TIAL1: variants seen among roughly 807,000 people sequenced by gnomAD.
The protein encoded by TIAL1 is TIA1 cytotoxic granule associated RNA binding protein like 1, also known as nucleolysin TIAR.
Under a neutral mutation model 59.7 loss-of-function variants are expected in TIAL1, and 7 were observed. The observed-to-expected ratio is 0.12, with a 90% CI of 0.07 to 0.22. The LOEUF is 0.22. Among genes scored for constraint, TIAL1 ranks in the 10% least tolerant of loss-of-function variants. The pLI, the probability that TIAL1 is intolerant of heterozygous loss-of-function variation, is 1.00. For synonymous variants in TIAL1, 149 were observed against 146.3 expected (o/e 1.02, Z -0.13); for missense variants, 225 against 462.5 (o/e 0.49, Z 4.71).
chr10:119,588,472 T>C (rs1845686131), intron 1 of TIAL1: 4 of 292,510 alleles, frequency 1.4e-5, no homozygotes, highest in Non-Finnish European at 2.5e-5. Context: ...GCCTCCCAAG[T>C]AGCTGGGATT....
At position 119,596,384 on chromosome 10, in the gene TIAL1, G is replaced by C. The variant is rs199547530; in HGVS notation, c.32+50C>G. ...CTCCTGCTCCCTCCCTTAGCGTCCC[G>C]CGGTGCCCGGGCCTCTTGGCGCCTG... On this transcript the variant is annotated intron_variant, in intron 1 of 11. Transcript: ENST00000436547. The C allele has an allele frequency of 2.9e-3, 4,600 of 1,606,584 alleles. 21 individuals carry two copies. The highest frequency in any genetic ancestry group is 2.8e-3 in the Non-Finnish European group (3,340 of 1,175,916).
At position 119,576,703 on chromosome 10, in the gene TIAL1, T is replaced by A. The variant is rs754564822; in HGVS notation, c.909A>T (p.Pro303=). The A allele has an allele frequency of 6.2e-7, 1 of 1,614,196 alleles. No individual in the cohort carries two copies. The change falls in exon 11 of 12, where the codon CCA becomes CCT. Residue 303 remains proline (P), a synonymous_variant. Coordinates refer to ENST00000436547, the MANE Select transcript of TIAL1 (RefSeq NM_003252.4). ...TTGCCATATACTGTCCATACTGTTG[T>A]GGGTTTCCATACACTTGGCTCCATT... ...WGQWSQVYGN[P]QQYGQYMANG...
In TIAL1 at chr10:119,589,696, GA is replaced by G. The variant is rs557938676; in HGVS notation, c.33-1449del. On this transcript the variant is annotated intron_variant, in intron 1 of 11. Transcript: ENST00000436547. ...ATACAGGAAAGTTTAAAAAAGAAAA[GA>G]AAAAAATGCTACTTCATCACACAGA... Among the ~76,000 whole-genome samples the G allele has an allele frequency of 2.0e-3, 300 of 152,036 alleles. 2 individuals carry two copies. Among genetic ancestry groups the G allele is most frequent in the African/African-American group, 6.7e-3 (280 of 41,490 alleles).
At chr10:119,583,235 A>G (rs1845382404) in intron 2 of TIAL1, among the ~76,000 whole-genome samples, 1 of 152,194 alleles carries the variant, frequency 6.6e-6, no homozygotes, top group African/African-American at 2.4e-5. Context: ...AAGATCAGAG[A>G]AATAACAGTG....
At chr10:119,596,072 G>A (rs1284058375) in intron 1 of TIAL1, among the ~76,000 whole-genome samples, 1 of 101,906 alleles carries the variant, frequency 9.8e-6, no homozygotes, top group Non-Finnish European at 2.0e-5. Context: ...CCCTTCCCCC[G>A]TGGGCGCCGG....
intron 1 of TIAL1, among the ~76,000 whole-genome samples, chr10:119,590,322 C>T (rs1191046785): frequency 6.6e-6 from 1 of 152,194 alleles, no homozygotes; most frequent in African/African-American, 2.4e-5. Context: ...TATGAGCCAG[C>T]GATAGGCTGC....
Position 119,596,648 on chromosome 10 carries a change from CAGGAGGAGGAGG to C in TIAL1, c.-195_-184del. The C allele has an allele frequency of 1.7e-6, 1 of 600,148 alleles. No homozygotes were observed. The highest frequency in any genetic ancestry group is 3.0e-6 in the Non-Finnish European group (1 of 338,770). 37.2% of individuals were successfully genotyped at this position (600,148 alleles called of 1,614,324 possible). ...GACACTGCGCTCCAACCAGGAGGAG[CAGGAGGAGGAGG>C]AGGATGAACAAAATGGCCGCCGCCA... On this transcript the variant is annotated 5_prime_UTR_variant, in exon 1 of 12. Coordinates refer to ENST00000436547, the MANE Select transcript of TIAL1 (RefSeq NM_003252.4).
rs1311728615 is a variant in TIAL1, at chr10:119,574,212, C to A, written c.*1453G>T. ...TTTTACCCACACAGCCTGAAAAATA[C>A]CTTGAAAGCAAACCTCGGTCTTCTG... On this transcript the variant is annotated 3_prime_UTR_variant, in exon 12 of 12. Coordinates refer to ENST00000436547, the MANE Select transcript of TIAL1 (RefSeq NM_003252.4). 6.6e-6 allele frequency: 1 copy of A among 152,482 alleles called. No individual in the cohort carries two copies. Among genetic ancestry groups the A allele is most frequent in the South Asian group, 2.1e-4 (1 of 4,820 alleles). 9.4% of individuals were successfully genotyped at this position (152,482 alleles called of 1,614,324 possible).
rs951627802 is a variant in TIAL1, at chr10:119,590,825, G to A, written c.33-2577C>T. ...GAAAGAAAGAAAGAAAGAAAGAAAC[G>A]AACAAGTGATCTTGAGCTTCTAAAC... On this transcript the variant is annotated intron_variant, in intron 1 of 11. Transcript: ENST00000436547. Among the ~76,000 whole-genome samples the A allele has an allele frequency of 7.1e-5, 9 of 127,480 alleles. No homozygotes were observed. The East Asian group carries it at 1.6e-3, about 23-fold the overall frequency. The allele number at this position is 127,480 out of a possible 152,430, so 83.6% of individuals were successfully genotyped here.
Position 119,596,414 on chromosome 10 carries a change from C to T in TIAL1, c.32+20G>A, listed in dbSNP as rs1846196097. On this transcript the variant is annotated intron_variant, in intron 1 of 11. Coordinates refer to ENST00000436547, the MANE Select transcript of TIAL1 (RefSeq NM_003252.4). ...GCCCGGGCCTCTTGGCGCCTGGCAC[C>T]CCTCGTCTCGGGTACTCACAGAGTC... 1 of 1,611,442 alleles carries T rather than the reference C, an allele frequency of 6.2e-7. No homozygotes were observed. The highest frequency in any genetic ancestry group is 1.7e-4 in the Middle Eastern group (1 of 6,054).
At chr10:119,577,958 G>C (rs1396163249) in intron 7 of TIAL1, among the ~76,000 whole-genome samples, 2 of 151,884 alleles carry the variant, frequency 1.3e-5, no homozygotes, top group African/African-American at 4.8e-5. Context: ...AGGGCACGGT[G>C]GCTCACGCCT....
At chr10:119,580,092 T>TG (rs1845232539) in intron 5 of TIAL1, 82 bp from the exon 6 acceptor site, 51 of 1,119,154 alleles carry the variant, frequency 4.6e-5, no homozygotes, top group Non-Finnish European at 6.4e-5. Context: ...CACACTGTAT[T>TG]GTGAGCATTT....
rs1022272661 is a variant in TIAL1 at position 119,573,572 on chromosome 10, T to TA, written c.*2092dup. 6.6e-6 allele frequency: 1 copy of TA among 152,572 alleles called. No homozygotes were observed. The highest frequency in any genetic ancestry group is 2.1e-4 in the South Asian group (1 of 4,826). The allele number at this position is 152,572 out of a possible 1,614,324, so 9.5% of individuals were successfully genotyped here. A position where few individuals can be genotyped will look rare whatever the true frequency, so the allele number is the denominator to read the frequency against. ...CTGTTAGTTATCTCAATAAGCTACT[T>TA]AATTTACTGGCAGACCAAAACAGGC... On this transcript the variant is annotated 3_prime_UTR_variant, in exon 12 of 12. Coordinates refer to ENST00000436547, the MANE Select transcript of TIAL1 (RefSeq NM_003252.4).
chr10:119,592,729 A>G (rs1027984837), intron 1 of TIAL1, among the ~76,000 whole-genome samples: 5 of 152,118 alleles, frequency 3.3e-5, no homozygotes, highest in Admixed American at 1.3e-4. Context: ...CAGGAGGTAC[A>G]ACTAAATTGA....
chr10:119,596,249 G>C (rs1417085354), intron 1 of TIAL1, among the ~76,000 whole-genome samples, 185 bp downstream of exon 1: 2 of 152,168 alleles, frequency 1.3e-5, no homozygotes, highest in African/African-American at 4.8e-5. Context: ...GACTGTTTGG[G>C]GGAAGGGAGG....
chr10:119,577,431 T>C lies in TIAL1; in HGVS notation c.737+20A>G. On this transcript the variant is annotated intron_variant, in intron 9 of 11. Transcript: ENST00000436547. Reference sequence around the variant, plus strand: ...GAATCAAATATAAGAGTAATAATGATATTTCAAGTAGAGTGTTACCTGACA... The same window carrying C: ...GAATCAAATATAAGAGTAATAATGACATTTCAAGTAGAGTGTTACCTGACA... 6.3e-7 allele frequency: 1 copy of C among 1,585,384 alleles called. No homozygotes were observed. The highest frequency in any genetic ancestry group is 1.1e-5 in the South Asian group (1 of 89,534).
At position 119,577,333 on chromosome 10, in the gene TIAL1, T is replaced by C. The variant is rs929260265; in HGVS notation, c.737+118A>G. 7.0e-6 allele frequency: 10 copies of C among 1,432,538 alleles called. No homozygotes were observed. In the African/African-American group the frequency reaches 1.1e-4, roughly 16 times the overall value. 88.7% of individuals were successfully genotyped at this position (1,432,538 alleles called of 1,614,324 possible). A position where few individuals can be genotyped will look rare whatever the true frequency, so the allele number is the denominator to read the frequency against. ...TTCTAAAGTACATTAGGTAGGTAGC[T>C]TAAACTTCTATACTGCAAAGAAGCA... On this transcript the variant is annotated intron_variant, in intron 9 of 11. Transcript: ENST00000436547.
Position 119,575,621 on chromosome 10 carries a change from A to G in TIAL1, c.*44T>C. 11 of 1,610,112 alleles carry G rather than the reference A, an allele frequency of 6.8e-6. No individual in the cohort carries two copies. Among genetic ancestry groups the G allele is most frequent in the Non-Finnish European group, 9.3e-6 (11 of 1,177,054 alleles). On this transcript the variant is annotated 3_prime_UTR_variant, in exon 12 of 12. Coordinates refer to ENST00000436547, the MANE Select transcript of TIAL1 (RefSeq NM_003252.4). ...TCATGTCTTCAGAGTGTCACAGGAAATCGAAGCCTATCATGAATTACAATT... is the reference window on the plus strand; with the variant it reads ...TCATGTCTTCAGAGTGTCACAGGAAGTCGAAGCCTATCATGAATTACAATT...
At chr10:119,592,765 A>ACT (rs1228569391) in intron 1 of TIAL1, among the ~76,000 whole-genome samples, 1 of 45,358 alleles carries the variant, frequency 2.2e-5, no homozygotes, top group Non-Finnish European at 8.9e-5. Context: ...AGATATTCTC[A>ACT]CACACACACA....
Sources: allele counts gnomAD v4.1 joint callset (sites outside exome capture counted in the v4.1 genomes callset), GRCh38; gene constraint gnomAD v4.1.1; transcripts MANE v1.5; gene names NCBI Gene and HGNC (gene_info 2026-07-23, HGNC 2026-07-21).